The following NAV3 variants were observed in gnomAD, a reference collection of about 807,000 sequenced individuals.
NAV3 encodes the protein pore membrane and/or filament interacting like protein 1.
A neutral mutation model predicts 244.7 loss-of-function variants in NAV3; 87 were observed. The observed-to-expected ratio is 0.36, with a 90% CI of 0.30 to 0.42. NAV3 has a LOEUF of 0.42. Ranked by LOEUF, NAV3 falls within the 20% of genes least tolerant of loss-of-function variation. NAV3 has a pLI of 1.00. For missense variants in NAV3, 2,663 were observed against 2,893.3 expected (o/e 0.92, Z 1.83); for synonymous variants, 1,126 against 1,042.2 (o/e 1.08, Z -1.55).
intron 1 of NAV3, among the ~76,000 whole-genome samples, chr12:77,919,163 C>A (rs1413079772): frequency 6.6e-6 from 1 of 151,960 alleles, no homozygotes; most frequent in Admixed American, 6.6e-5. Context: ...GAACAAACAA[C>A]AAATATTTTA....
Position 78,198,602 on chromosome 12 carries a change from T to A in NAV3, c.6447-3T>A. 6.4e-7 allele frequency: 1 copy of A among 1,557,364 alleles called. No homozygotes were observed. Among genetic ancestry groups the A allele is most frequent in the Non-Finnish European group, 8.7e-7 (1 of 1,144,484 alleles). On this transcript the variant is annotated splice_region_variant and splice_polypyrimidine_tract_variant and intron_variant, in intron 35 of 39. Coordinates refer to ENST00000397909, the MANE Select transcript of NAV3 (RefSeq NM_001024383.2). ...TTAAAATTTTCTATTTATTTTTTTCTAGTCCATATATTATTGGAACAATGA... is the reference window on the plus strand; with the variant it reads ...TTAAAATTTTCTATTTATTTTTTTCAAGTCCATATATTATTGGAACAATGA...
chr12:78,037,208 T>C, intron 9 of NAV3: 1 of 702,534 alleles, frequency 1.4e-6, no homozygotes, highest in South Asian at 1.5e-5. Flanking sequence ...AAGGTGAGAG[T>C]GATGAAGATA....
chr12:78,006,898 A>G lies in NAV3; in HGVS notation c.1360A>G (p.Lys454Glu). 1 of 1,614,188 alleles carries G rather than the reference A, an allele frequency of 6.2e-7. No homozygotes were observed. The highest frequency in any genetic ancestry group is 1.1e-5 in the South Asian group (1 of 91,084). The change falls in exon 8 of 40, where the codon AAA becomes GAA. Residue 454 changes from lysine to glutamate, a missense_variant. By Grantham distance (56) the Lys-to-Glu change is moderately conservative. This residue lies in a region of NAV3 where 1,521 missense variants were observed against 1,497.0 expected (regional missense o/e 1.02). Transcript: ENST00000397909. Reference protein sequence around the residue: ...PKLAPPKAGSKNLSNKKSLLQ... With the variant: ...PKLAPPKAGSENLSNKKSLLQ... ...GTTGGCCCCTCCAAAAGCTGGAAGC[A>G]AAAATCTCAGCAATAAAAAGTCTTT... is the stretch of plus-strand genomic sequence containing the variant.
rs1272684995 is a variant in NAV3 at position 78,179,660 on chromosome 12, G to A, written c.5495G>A (p.Arg1832Gln). 4 of 1,612,370 alleles carry A rather than the reference G, an allele frequency of 2.5e-6. No homozygotes were observed. The highest frequency in any genetic ancestry group is 3.4e-6 in the Non-Finnish European group (4 of 1,179,054). ...TCTGCTCATCATCTTGATCAGATCC[G>A]GGAAGCCATGAACCGGATGCAGGTT... ...LSSAHHLDQI[R>Q]EAMNRMQNEI... Residue 1832 changes from arginine to glutamine, a missense_variant, in exon 29 of 40, where the codon CGG becomes CAG. Physicochemically the swap from Arg to Gln is conservative, Grantham distance 43 (BLOSUM62 1). This residue lies in a region of NAV3 where 543 missense variants were observed against 672.4 expected (regional missense o/e 0.81). Transcript: ENST00000397909.
At chr12:77,913,979 T>C (rs1384124354) in intron 1 of NAV3, among the ~76,000 whole-genome samples, 2 of 152,072 alleles carry the variant, frequency 1.3e-5, no homozygotes, top group East Asian at 3.9e-4. Flanking sequence ...GTCCTTTTTT[T>C]TTTCTTTATT....
rs201827482 is a variant in NAV3 at position 77,616,726 on chromosome 12, G to GCACACA, written c.72+44461_72+44462insACACAC. On this transcript the variant is annotated intron_variant, in intron 2 of 8. Coordinates refer to the NAV3 transcript ENST00000550042. ...AACCTGCTATTTGTGCTACACACAG[G>GCACACA]CGCGCACACACACACACACACACAC... Among the ~76,000 whole-genome samples, 105 of 148,434 alleles carry GCACACA rather than the reference G, an allele frequency of 7.1e-4. 2 individuals are homozygous for GCACACA. The highest frequency in any genetic ancestry group is 8.2e-4 in the African/African-American group (32 of 38,934).
chr12:78,140,346 C>T lies in NAV3; in HGVS notation c.4683+12C>T, dbSNP rs769133554. On this transcript the variant is annotated intron_variant, in intron 20 of 39. Transcript: ENST00000397909. ...CTCTTTACTCTACAGTAAGTAATGG[C>T]TGTTAAGAAAAAGCTTGTGCTTTTG... 5.0e-6 allele frequency: 8 copies of T among 1,608,780 alleles called. No homozygotes were observed. In the African/African-American group the frequency reaches 8.0e-5, roughly 16 times the overall value.
At chr12:77,789,508 TAAA>T (rs36070299) in intron 2 of NAV3, among the ~76,000 whole-genome samples, 119 of 146,848 alleles carry the variant, frequency 8.1e-4, no homozygotes, top group Non-Finnish European at 9.6e-4. Flanking sequence ...GCTAATGAGC[TAAA>T]AAAAAAAAAA....
At chr12:77,811,190 A>G (rs560408378) in intron 2 of NAV3, among the ~76,000 whole-genome samples, 2 of 152,326 alleles carry the variant, frequency 1.3e-5, no homozygotes, top group South Asian at 2.1e-4. Context: ...ATTCTTCATC[A>G]TCTACTCCTA....
At chr12:78,121,046 T>TA (rs1301232314) in intron 15 of NAV3, among the ~76,000 whole-genome samples, 1 of 152,166 alleles carries the variant, frequency 6.6e-6, no homozygotes, top group Non-Finnish European at 1.5e-5. Flanking sequence ...GTTTCTTAAG[T>TA]AAAAGCCAAT....
At chr12:77,761,342 T>C (rs1869450913) in intron 2 of NAV3, among the ~76,000 whole-genome samples, 1 of 152,216 alleles carries the variant, frequency 6.6e-6, no homozygotes, top group East Asian at 1.9e-4. Context: ...TGAGCCACCA[T>C]GTCCAGCCAG....
intron 2 of NAV3, among the ~76,000 whole-genome samples, chr12:77,788,304 T>A (rs1871002384): frequency 6.6e-6 from 1 of 152,196 alleles, no homozygotes; most frequent in Non-Finnish European, 1.5e-5. Flanking sequence ...CTGAATGCAG[T>A]GCAACAGGTT....
chr12:78,198,031 T>TA (rs1377220929), intron 35 of NAV3, among the ~76,000 whole-genome samples: 1 of 151,804 alleles, frequency 6.6e-6, no homozygotes, highest in Non-Finnish European at 1.5e-5. Flanking sequence ...AGTAAGGTAT[T>TA]AAAAAATCTT....
At chr12:77,631,356 A>T (rs187469613) in intron 2 of NAV3, among the ~76,000 whole-genome samples, 5,418 of 149,472 alleles carry the variant, frequency 0.036, 179 homozygotes, top group African/African-American at 0.089. Flanking sequence ...CCATCATGGA[A>T]AAAGAAAAAA....
At chr12:77,943,373 A>G (rs998970328) in intron 3 of NAV3, among the ~76,000 whole-genome samples, 1 of 152,212 alleles carries the variant, frequency 6.6e-6, no homozygotes, top group Non-Finnish European at 1.5e-5. Flanking sequence ...AGTTGGAATC[A>G]TATCGAATAT....
chr12:77,880,079 A>G (rs1297475777), intron 1 of NAV3, among the ~76,000 whole-genome samples: 1 of 152,188 alleles, frequency 6.6e-6, no homozygotes, highest in Admixed American at 6.5e-5. Context: ...AGTGATGATT[A>G]ATGAGTTTAC....
At chr12:78,164,103 A>G (rs1453218000) in intron 23 of NAV3, among the ~76,000 whole-genome samples, 1 of 152,078 alleles carries the variant, frequency 6.6e-6, no homozygotes, top group African/African-American at 2.4e-5. Flanking sequence ...TTACAGAACT[A>G]CTTCTAAATC....
intron 2 of NAV3, among the ~76,000 whole-genome samples, chr12:77,731,302 T>C (rs1054165770): frequency 1.3e-5 from 2 of 151,970 alleles, no homozygotes; most frequent in East Asian, 3.9e-4. Context: ...GTTGCAATAA[T>C]GGATTATCCT....
chr12:77,775,503 A>G (rs1267527087), intron 2 of NAV3, among the ~76,000 whole-genome samples: 2 of 152,178 alleles, frequency 1.3e-5, no homozygotes, highest in East Asian at 1.9e-4. Context: ...TCACCTTACA[A>G]TATATATTCT....
Sources: gnomAD v4.1 joint callset for allele counts (sites outside exome capture counted in the v4.1 genomes callset) on GRCh38, gnomAD v4.1.1 for gene constraint, gnomAD v4.1.1 regional missense constraint, MANE v1.5 for transcripts, NCBI Gene and HGNC (gene_info 2026-07-23, HGNC 2026-07-21) for gene names.